The following FHIT variants were observed in gnomAD, a reference collection of about 807,000 sequenced individuals.
The protein encoded by FHIT is bis(5'-adenosyl)-triphosphatase.
A neutral mutation model predicts 17.9 loss-of-function variants in FHIT; 19 were observed. That is an observed-to-expected ratio of 1.06 (90% CI 0.74 to 1.56). The LOEUF is 1.56. FHIT is among the 40% of genes most tolerant of loss of function. The pLI, the probability that FHIT is intolerant of heterozygous loss-of-function variation, is 0.00. For synonymous variants in FHIT, 81 were observed against 69.7 expected (o/e 1.16, Z -0.81); for missense variants, 248 against 189.2 (o/e 1.31, Z -1.82).
intron 8 of FHIT, among the ~76,000 whole-genome samples, chr3:59,853,672 A>T (rs1702031818): frequency 6.6e-6 from 1 of 152,124 alleles, no homozygotes; most frequent in South Asian, 2.1e-4. Flanking sequence ...TATTTTCATC[A>T]TATTCTATTG....
chr3:60,551,289 G>A (rs192520374), intron 4 of FHIT, among the ~76,000 whole-genome samples: 3 of 150,168 alleles, frequency 2.0e-5, no homozygotes, highest in Non-Finnish European at 4.4e-5. Context: ...AGTGTTCAGG[G>A]TCTAAATTTG....
At chr3:60,556,511 A>C (rs1304402762) in intron 4 of FHIT, among the ~76,000 whole-genome samples, 1 of 152,230 alleles carries the variant, frequency 6.6e-6, no homozygotes, top group Non-Finnish European at 1.5e-5. Flanking sequence ...TACATTAGGC[A>C]CTTGACCTGC....
At chr3:60,651,549 T>A (rs1417072019) in intron 4 of FHIT, among the ~76,000 whole-genome samples, 1 of 152,050 alleles carries the variant, frequency 6.6e-6, no homozygotes, top group Non-Finnish European at 1.5e-5. Flanking sequence ...ATCTTTTTTT[T>A]TTTCAATAAA....
chr3:61,173,141 A>C (rs1021320130), intron 2 of FHIT, among the ~76,000 whole-genome samples: 1 of 152,228 alleles, frequency 6.6e-6, no homozygotes, highest in African/African-American at 2.4e-5. Flanking sequence ...TTTTAAAAAC[A>C]GTTTACAGAC....
rs551609438 is a variant in FHIT, at chr3:60,660,904, CA to C, written c.-17-123926del. Among the ~76,000 whole-genome samples, 9 of 151,202 alleles carry C rather than the reference CA, an allele frequency of 6.0e-5. No individual in the cohort carries two copies. In the South Asian group the frequency reaches 1.9e-3, roughly 32 times the overall value. The stretch of plus-strand genomic sequence containing the variant: ...GTAATATGTGGTTTGCAGATATTTC[CA>C]ACCAGCCTGTAAATTGACTTTTCAT... On this transcript the variant is annotated intron_variant, in intron 4 of 9. Transcript: ENST00000492590.
intron 3 of FHIT, among the ~76,000 whole-genome samples, chr3:61,005,392 G>A (rs1225314522): frequency 2.6e-5 from 4 of 152,040 alleles, no homozygotes; most frequent in Non-Finnish European, 4.4e-5. Context: ...TGATGAGGAG[G>A]AGCAGGATGA....
intron 9 of FHIT, chr3:59,751,750 A>G (rs1404993151): frequency 4.7e-5 from 11 of 233,956 alleles, no homozygotes; most frequent in Non-Finnish European, 7.6e-5. Context: ...ACTGAAGAGA[A>G]GAGTCCACTC....
At chr3:61,210,222 G>T (rs945703619) in intron 1 of FHIT, among the ~76,000 whole-genome samples, 1 of 152,330 alleles carries the variant, frequency 6.6e-6, no homozygotes, top group Non-Finnish European at 1.5e-5. Flanking sequence ...CCCTAGTGCG[G>T]GGTACCTCCC....
intron 8 of FHIT, among the ~76,000 whole-genome samples, chr3:59,779,781 A>G (rs535633944): frequency 6.6e-6 from 1 of 152,318 alleles, no homozygotes; most frequent in Non-Finnish European, 1.5e-5. Flanking sequence ...GCAGTAGACA[A>G]CAGAGCCAGT....
chr3:60,981,591 G>A (rs530907165), intron 3 of FHIT, among the ~76,000 whole-genome samples: 14 of 151,908 alleles, frequency 9.2e-5, no homozygotes, highest in South Asian at 2.1e-4. Flanking sequence ...GATTACAGGC[G>A]TAAGCCACGG....
At chr3:59,842,061 C>T (rs796359958) in intron 8 of FHIT, among the ~76,000 whole-genome samples, 3 of 152,214 alleles carry the variant, frequency 2.0e-5, no homozygotes, top group Admixed American at 6.5e-5. Flanking sequence ...TAACAACTCC[C>T]CATTCTCCCT....
intron 2 of FHIT, among the ~76,000 whole-genome samples, chr3:61,167,395 G>A (rs955458292): frequency 6.6e-6 from 1 of 151,934 alleles, no homozygotes; most frequent in Admixed American, 6.5e-5. Context: ...CCAACACTTA[G>A]GGAGGCTGAG....
chr3:60,601,852 A>C (rs1442756402), intron 4 of FHIT, among the ~76,000 whole-genome samples: 1 of 152,218 alleles, frequency 6.6e-6, no homozygotes, highest in African/African-American at 2.4e-5. Flanking sequence ...TTTGAAAAGG[A>C]AATTCCAGAG....
chr3:60,029,336 G>T (rs980832148), intron 5 of FHIT, among the ~76,000 whole-genome samples: 2 of 152,110 alleles, frequency 1.3e-5, no homozygotes, highest in African/African-American at 4.8e-5. Flanking sequence ...CTTCCAATGT[G>T]TTAAAAAATA....
chr3:60,586,282 C>T (rs1231396934), intron 4 of FHIT, among the ~76,000 whole-genome samples: 1 of 151,950 alleles, frequency 6.6e-6, no homozygotes, highest in Non-Finnish European at 1.5e-5. Flanking sequence ...AATAACCTCC[C>T]CCCAGTCTAT....
chr3:61,079,766 A>G (rs908009518), intron 2 of FHIT, among the ~76,000 whole-genome samples: 41 of 152,302 alleles, frequency 2.7e-4, no homozygotes, highest in African/African-American at 7.9e-4. Context: ...AAATAGAACC[A>G]AAAAAATGGA....
intron 2 of FHIT, among the ~76,000 whole-genome samples, chr3:61,089,318 A>C (rs1035303496): frequency 6.6e-6 from 1 of 152,168 alleles, no homozygotes; most frequent in Non-Finnish European, 1.5e-5. Flanking sequence ...TGGAACAACT[A>C]CCTGTATCTA....
At chr3:60,470,957 T>A (rs2033060002) in intron 5 of FHIT, among the ~76,000 whole-genome samples, 1 of 152,128 alleles carries the variant, frequency 6.6e-6, no homozygotes, top group Non-Finnish European at 1.5e-5. Context: ...AGTCCCTCCC[T>A]TCATTCAAGG....
intron 2 of FHIT, among the ~76,000 whole-genome samples, chr3:61,121,873 C>A (rs551008075): frequency 1.3e-5 from 2 of 152,028 alleles, no homozygotes; most frequent in East Asian, 3.9e-4. Context: ...TCAAAATAAA[C>A]GTATGGAGGA....
Sources: gnomAD v4.1 joint callset for allele counts (sites outside exome capture counted in the v4.1 genomes callset) on GRCh38, gnomAD v4.1.1 for gene constraint, MANE v1.5 for transcripts, NCBI Gene and HGNC (gene_info 2026-07-23, HGNC 2026-07-21) for gene names.